Variants in DSG1 observed in about 807,000 individuals in gnomAD.
DSG1 encodes desmoglein 1.
Under a neutral mutation model 97.5 loss-of-function variants are expected in DSG1, and 39 were observed. The ratio of observed to expected loss-of-function variants is 0.40; its 90% CI spans 0.31 to 0.52. DSG1 has a LOEUF of 0.52. Ranked by LOEUF, DSG1 falls within the 20% of genes least tolerant of loss-of-function variation. DSG1 has a pLI of 0.53. For synonymous variants in DSG1, 475 were observed against 443.4 expected (o/e 1.07, Z -0.90); for missense variants, 1,311 against 1,295.4 (o/e 1.01, Z -0.18).
chr18:31,350,521 T>G (rs1423975271), intron 14 of DSG1, among the ~76,000 whole-genome samples: 2 of 150,970 alleles, frequency 1.3e-5, no homozygotes, highest in African/African-American at 4.9e-5. Context: ...TTCTATTGAT[T>G]GGAATAGTTT....
intron 1 of DSG1, among the ~76,000 whole-genome samples, chr18:31,323,976 C>CT (rs1203163479): frequency 0.34 from 32,470 of 94,728 alleles, 7,553 homozygotes; most frequent in Non-Finnish European, 0.45. Context: ...TCTCTCCTTC[C>CT]TTTTTTTTTT....
In DSG1 at chr18:31,346,168, T is replaced by C; in HGVS notation, c.2070T>C (p.Asn690=). The change falls in exon 14 of 15, where the codon AAT becomes AAC. Residue 690 remains asparagine, a synonymous_variant. Transcript: ENST00000257192. ...SMRECREGGL[N]MNFMESYFCQ... ...GGGAATGTAGAGAAGGAGGTCTGAA[T>C]ATGAATTTCATGGAAAGCTACTTCT... 6.2e-7 allele frequency: 1 copy of C among 1,613,872 alleles called. No homozygotes were observed. The highest frequency in any genetic ancestry group is 8.5e-7 in the Non-Finnish European group (1 of 1,179,798).
Position 31,340,133 on chromosome 18 carries a change from T to C in DSG1, c.1687+108T>C. ...ACGTATTTTACAAATTCTCATTTTG[T>C]GCAATTATAAAGAAACTTCTGTGTT... On this transcript the variant is annotated intron_variant, in intron 11 of 14. Coordinates refer to ENST00000257192, the MANE Select transcript of DSG1 (RefSeq NM_001942.4). 2.4e-6 allele frequency: 3 copies of C among 1,259,298 alleles called. No individual in the cohort carries two copies. The East Asian group carries it at 7.1e-5, about 30-fold the overall frequency. The allele number at this position is 1,259,298 out of a possible 1,614,324, so 78.0% of individuals were successfully genotyped here. A position where few individuals can be genotyped will look rare whatever the true frequency, so the allele number is the denominator to read the frequency against.
chr18:31,335,233 C>T (rs913126839), intron 8 of DSG1, among the ~76,000 whole-genome samples: 1 of 152,134 alleles, frequency 6.6e-6, no homozygotes, highest in Non-Finnish European at 1.5e-5. Context: ...GACATTGAGG[C>T]TCCAAGAGAG....
intron 9 of DSG1, among the ~76,000 whole-genome samples, chr18:31,336,915 G>A (rs1004168916): frequency 6.6e-6 from 1 of 152,118 alleles, no homozygotes; most frequent in Non-Finnish European, 1.5e-5. Flanking sequence ...ACCACAGGCC[G>A]TGATTCGTCT....
chr18:31,340,141 T>C (rs950140052), intron 11 of DSG1, 116 bp downstream of exon 11: 22 of 1,163,898 alleles, frequency 1.9e-5, no homozygotes, highest in African/African-American at 4.6e-5. Flanking sequence ...TGTGCAATTA[T>C]AAAGAAACTT....
At chr18:31,346,741 T>C (rs2071841857) in intron 14 of DSG1, among the ~76,000 whole-genome samples, 2 of 152,258 alleles carry the variant, frequency 1.3e-5, no homozygotes, top group South Asian at 4.1e-4. Context: ...TGCAGTACTT[T>C]GTTTACACAT....
At chr18:31,338,207 T>C in intron 9 of DSG1, 108 bp from the exon 10 acceptor site, 1 of 1,186,100 alleles carries the variant, frequency 8.4e-7, no homozygotes, top group Non-Finnish European at 1.2e-6. Flanking sequence ...AATTGAAAAC[T>C]GTATCTAGGG....
At chr18:31,319,476 C>A (rs923082983) in intron 1 of DSG1, among the ~76,000 whole-genome samples, 2 of 152,098 alleles carry the variant, frequency 1.3e-5, no homozygotes, top group Non-Finnish European at 2.9e-5. Context: ...AAGCTGGTGG[C>A]TTTGGTTCCA....
intron 1 of DSG1, among the ~76,000 whole-genome samples, chr18:31,320,659 G>T (rs1168539433): frequency 6.6e-6 from 1 of 152,202 alleles, no homozygotes; most frequent in Non-Finnish European, 1.5e-5. Context: ...AACACATTTT[G>T]TTAATTCTGC....
Position 31,357,215 on chromosome 18 carries a change from C to T in DSG1, c.*1869C>T, listed in dbSNP as rs565604634. Among the ~76,000 whole-genome samples the T allele has an allele frequency of 6.6e-6, 1 of 152,068 alleles. No individual in the cohort carries two copies. Among genetic ancestry groups the T allele is most frequent in the Non-Finnish European group, 1.5e-5 (1 of 67,938 alleles). On this transcript the variant is annotated 3_prime_UTR_variant, in exon 15 of 15. Coordinates refer to ENST00000257192, the MANE Select transcript of DSG1 (RefSeq NM_001942.4). ...CTAATATTTTAAAAGCCACAGTATA[C>T]ATCTTCTTTTAACTCTGTAGAATAT...
intron 1 of DSG1, among the ~76,000 whole-genome samples, chr18:31,324,623 T>C (rs1195120394): frequency 6.6e-6 from 1 of 152,158 alleles, no homozygotes; most frequent in Non-Finnish European, 1.5e-5. Context: ...TGCCATCCCC[T>C]GAGCTTCCTC....
intron 14 of DSG1, among the ~76,000 whole-genome samples, chr18:31,350,586 T>G (rs369924037): frequency 6.7e-6 from 1 of 149,098 alleles, no homozygotes; most frequent in Non-Finnish European, 1.5e-5. Context: ...CGGCTGTGAA[T>G]CCATCTGGTC....
chr18:31,347,701 TAA>T (rs2071852389), intron 14 of DSG1: 1 of 152,224 alleles, frequency 6.6e-6, no homozygotes, highest in African/African-American at 2.4e-5. Context: ...TTATATTTTT[TAA>T]AAGTGTCTTT....
intron 11 of DSG1, among the ~76,000 whole-genome samples, chr18:31,340,847 A>G (rs944363670): frequency 2.0e-5 from 3 of 152,254 alleles, no homozygotes; most frequent in African/African-American, 7.2e-5. Flanking sequence ...CATAGTATTA[A>G]TAAAAGGATA....
chr18:31,352,795 T>C (rs2071910390), intron 14 of DSG1, among the ~76,000 whole-genome samples: 1 of 147,982 alleles, frequency 6.8e-6, no homozygotes, highest in Non-Finnish European at 1.5e-5. Context: ...TTCACGTAGT[T>C]CTCGAGCCTT....
intron 6 of DSG1, among the ~76,000 whole-genome samples, chr18:31,332,076 AT>A (rs2071724964): frequency 6.6e-6 from 1 of 152,090 alleles, no homozygotes; most frequent in African/African-American, 2.4e-5. Flanking sequence ...CATATAATTA[AT>A]TGATTAAAAT....
chr18:31,318,390 T>A, intron 1 of DSG1, 42 bp downstream of exon 1: 1 of 1,546,524 alleles, frequency 6.5e-7, no homozygotes, highest in Non-Finnish European at 8.9e-7. Context: ...TCGTGCCCAT[T>A]GTAAACAAGT....
Position 31,358,895 on chromosome 18 carries a change from A to G in DSG1, c.*3549A>G, listed in dbSNP as rs2071980253. ...TCCGGATTATTCAATTTATGTTAGG[A>G]CAAATCTTGACTAGATCAACCTGTT... On this transcript the variant is annotated 3_prime_UTR_variant, in exon 15 of 15. Transcript: ENST00000257192. Among the ~76,000 whole-genome samples the G allele has an allele frequency of 6.6e-6, 1 of 152,094 alleles. No individual in the cohort carries two copies. Among genetic ancestry groups the G allele is most frequent in the African/African-American group, 2.4e-5 (1 of 41,426 alleles).
Sources: allele counts gnomAD v4.1 joint callset (sites outside exome capture counted in the v4.1 genomes callset), GRCh38; gene constraint gnomAD v4.1.1; transcripts MANE v1.5; gene names NCBI Gene and HGNC (gene_info 2026-07-23, HGNC 2026-07-21).